NRXN3: variants seen among roughly 807,000 people sequenced by gnomAD.
NRXN3 encodes the protein neurexin 3, also known as neurexin III.
Under a neutral mutation model 137.6 loss-of-function variants are expected in NRXN3, and 32 were observed. That is an observed-to-expected ratio of 0.23 (90% CI 0.18 to 0.31). The LOEUF is 0.31. Ranked by LOEUF, NRXN3 falls within the 10% of genes least tolerant of loss-of-function variation. The pLI is 1.00. For missense variants in NRXN3, 1,574 were observed against 2,062.5 expected (o/e 0.76, Z 4.59); for synonymous variants, 798 against 784.5 (o/e 1.02, Z -0.29).
intron 4 of NRXN3, among the ~76,000 whole-genome samples, chr14:78,625,022 A>G (rs1027544630): frequency 9.2e-5 from 14 of 152,086 alleles, no homozygotes; most frequent in Middle Eastern, 6.8e-3. Flanking sequence ...TTGTATTTTT[A>G]GTAGAGACGG....
chr14:78,321,525 A>G (rs1045628426), intron 4 of NRXN3, among the ~76,000 whole-genome samples: 4 of 151,978 alleles, frequency 2.6e-5, no homozygotes, highest in Non-Finnish European at 5.9e-5. Context: ...CACAATGAGT[A>G]GTTGTCATTG....
intron 15 of NRXN3, among the ~76,000 whole-genome samples, chr14:79,192,866 G>A (rs2064594093): frequency 6.6e-6 from 1 of 150,454 alleles, no homozygotes; most frequent in Non-Finnish European, 1.5e-5. Context: ...CACCTCCCGG[G>A]TTCAAGAGAT....
At chr14:79,738,957 C>A (rs2098951476) in intron 19 of NRXN3, among the ~76,000 whole-genome samples, 1 of 152,050 alleles carries the variant, frequency 6.6e-6, no homozygotes, top group African/African-American at 2.4e-5. Flanking sequence ...ACAGCACCAG[C>A]CAAAGTACAT....
chr14:79,296,283 A>G (rs1279885309), intron 15 of NRXN3, among the ~76,000 whole-genome samples: 1 of 152,166 alleles, frequency 6.6e-6, no homozygotes, highest in Non-Finnish European at 1.5e-5. Flanking sequence ...TTGTAGTGTG[A>G]CAAACATCAT....
chr14:78,592,589 G>A (rs1283985909), intron 4 of NRXN3, among the ~76,000 whole-genome samples: 1 of 152,168 alleles, frequency 6.6e-6, no homozygotes, highest in Non-Finnish European at 1.5e-5. Context: ...AATTGTCTAA[G>A]GATGACAACA....
At chr14:78,608,471 T>C (rs964393488) in intron 4 of NRXN3, among the ~76,000 whole-genome samples, 2 of 152,248 alleles carry the variant, frequency 1.3e-5, no homozygotes, top group Non-Finnish European at 2.9e-5. Flanking sequence ...GATTTGTATT[T>C]ATTTACATAT....
intron 19 of NRXN3, among the ~76,000 whole-genome samples, chr14:79,724,565 T>C (rs1235437568): frequency 1.3e-5 from 2 of 152,186 alleles, no homozygotes; most frequent in Non-Finnish European, 2.9e-5. Context: ...CTGCTATACA[T>C]TTTATAATGC....
At chr14:79,363,045 T>C (rs1700750010) in intron 15 of NRXN3, among the ~76,000 whole-genome samples, 2 of 151,458 alleles carry the variant, frequency 1.3e-5, no homozygotes, top group African/African-American at 4.9e-5. Flanking sequence ...TCACCCAGGC[T>C]GGAGTAGTGC....
chr14:78,714,347 T>G (rs1188642691), intron 7 of NRXN3, among the ~76,000 whole-genome samples: 1 of 152,192 alleles, frequency 6.6e-6, no homozygotes, highest in Non-Finnish European at 1.5e-5. Context: ...TGGGGACAGT[T>G]ATTTTCCCAT....
At chr14:79,391,194 T>G (rs1172414664) in intron 15 of NRXN3, among the ~76,000 whole-genome samples, 2 of 152,178 alleles carry the variant, frequency 1.3e-5, no homozygotes, top group African/African-American at 4.8e-5. Flanking sequence ...TTAGAGGATC[T>G]TAATATCTTA....
intron 16 of NRXN3, among the ~76,000 whole-genome samples, chr14:79,617,696 A>C (rs552111811): frequency 1.1e-4 from 17 of 152,128 alleles, no homozygotes; most frequent in Admixed American, 2.0e-4. Flanking sequence ...AAACCAGTTG[A>C]GTTTGCGAAA....
intron 8 of NRXN3, among the ~76,000 whole-genome samples, chr14:78,716,392 G>A (rs2098434329): frequency 6.6e-6 from 1 of 152,152 alleles, no homozygotes. Flanking sequence ...ATAGCTCTAG[G>A]GCTTTGAGAA....
intron 15 of NRXN3, among the ~76,000 whole-genome samples, chr14:79,066,069 A>T (rs540446900): frequency 6.6e-5 from 10 of 152,216 alleles, no homozygotes; most frequent in Non-Finnish European, 1.3e-4. Context: ...ATTTTTGCCC[A>T]CGCCTAATTC....
intron 4 of NRXN3, among the ~76,000 whole-genome samples, chr14:78,484,493 C>T (rs549854373): frequency 6.6e-6 from 1 of 152,262 alleles, no homozygotes; most frequent in East Asian, 1.9e-4. Flanking sequence ...TTACTTTCCT[C>T]CATGTCATGA....
At chr14:78,997,941 C>T (rs1250896884) in intron 15 of NRXN3, among the ~76,000 whole-genome samples, 1 of 152,188 alleles carries the variant, frequency 6.6e-6, no homozygotes, top group Non-Finnish European at 1.5e-5. Context: ...GTCAGCTCTG[C>T]ATTCTAGCCA....
At chr14:79,470,899 AG>A (rs2096492372) in intron 16 of NRXN3, among the ~76,000 whole-genome samples, 2 of 141,402 alleles carry the variant, frequency 1.4e-5, no homozygotes, top group African/African-American at 6.0e-5. Flanking sequence ...AGAGAGAGAG[AG>A]AGTGTGTGTG....
chr14:78,488,860 T>A (rs1407566605), intron 4 of NRXN3, among the ~76,000 whole-genome samples: 1 of 80,040 alleles, frequency 1.2e-5, no homozygotes, highest in African/African-American at 5.1e-5. Flanking sequence ...AAAGGTGGAG[T>A]GGGGAGTGAA....
chr14:79,723,303 G>T (rs2098854525), intron 19 of NRXN3, among the ~76,000 whole-genome samples: 1 of 152,044 alleles, frequency 6.6e-6, no homozygotes, highest in Non-Finnish European at 1.5e-5. Flanking sequence ...GTAGGAAAAG[G>T]GGATCCATAG....
chr14:78,216,035 T>C (rs963572409), intron 1 of NRXN3, among the ~76,000 whole-genome samples: 5 of 152,242 alleles, frequency 3.3e-5, no homozygotes, highest in African/African-American at 1.2e-4. Flanking sequence ...AAAGTTTTGT[T>C]AAAAATTTTT....
Sources: gnomAD v4.1 joint callset for allele counts (sites outside exome capture counted in the v4.1 genomes callset) on GRCh38, gnomAD v4.1.1 for gene constraint, MANE v1.5 for transcripts, NCBI Gene and HGNC (gene_info 2026-07-23, HGNC 2026-07-21) for gene names.